The following SIPA1L2 variants were observed in gnomAD, a reference collection of about 807,000 sequenced individuals.
SIPA1L2 encodes signal-induced proliferation-associated 1-like protein 2.
Under a neutral mutation model 163.9 loss-of-function variants are expected in SIPA1L2, and 56 were observed. The ratio of observed to expected loss-of-function variants is 0.34; its 90% CI spans 0.28 to 0.43. The LOEUF is 0.43. SIPA1L2 is among the 20% of genes least tolerant of loss of function. The probability of loss-of-function intolerance (pLI) is 1.00; values close to 1 mark genes in which losing one functional copy is unlikely to be tolerated. For missense variants in SIPA1L2, 1,974 were observed against 2,193.5 expected (o/e 0.90, Z 2.00); for synonymous variants, 877 against 865.7 (o/e 1.01, Z -0.23).
intron 12 of SIPA1L2, 73 bp downstream of exon 12, chr1:232,443,529 A>G: frequency 2.5e-6 from 3 of 1,223,580 alleles, no homozygotes; most frequent in Non-Finnish European, 3.4e-6. Context: ...GAAGGCACAC[A>G]GTAAATGCTT....
intron 1 of SIPA1L2, among the ~76,000 whole-genome samples, chr1:232,592,809 GAA>G (rs541158763): frequency 6.9e-6 from 1 of 145,806 alleles, no homozygotes. Context: ...ATGTTCACAG[GAA>G]AAAAAAAAAA....
rs754332795 is a variant in SIPA1L2 at position 232,465,159 on chromosome 1, C to A, written c.2501G>T (p.Gly834Val). The A allele has an allele frequency of 1.1e-5, 18 of 1,614,064 alleles. No homozygotes were observed. The highest frequency in any genetic ancestry group is 1.4e-5 in the Non-Finnish European group (16 of 1,180,038). Reference sequence around the variant, plus strand: ...CTTTACCTTCTCCTTTTTCTTCGCACCCAGCGTAATGAAGCTGAACTTCAC... The same window carrying A: ...CTTTACCTTCTCCTTTTTCTTCGCAACCAGCGTAATGAAGCTGAACTTCAC... ...TSVKFSFITL[G>V]AKKKEKVKPR... is the part of the protein sequence containing the mutation. Residue 834 changes from glycine to valine, a missense_variant, in exon 9 of 23, where the codon GGT becomes GTT. Gly to Val is a moderately radical substitution (Grantham distance 109). Coordinates refer to ENST00000674635, the MANE Select transcript of SIPA1L2 (RefSeq NM_020808.5). The surrounding 1 kb of genome is among the most constrained non-coding windows in gnomAD (Gnocchi z 4.1).
At chr1:232,511,218 C>G (rs1456629003) in intron 3 of SIPA1L2, among the ~76,000 whole-genome samples, 2 of 152,154 alleles carry the variant, frequency 1.3e-5, no homozygotes, top group East Asian at 3.8e-4. Context: ...TTTGATTCCA[C>G]TGGCTGGAAG....
intron 6 of SIPA1L2, 50 bp downstream of exon 6, chr1:232,483,742 C>T: frequency 4.4e-6 from 7 of 1,602,672 alleles, no homozygotes; most frequent in Non-Finnish European, 6.0e-6. Context: ...ATGAAGCATG[C>T]CTACCTTTGG....
intron 2 of SIPA1L2, among the ~76,000 whole-genome samples, chr1:232,524,045 G>A (rs576871181): frequency 5.3e-5 from 8 of 152,276 alleles, no homozygotes; most frequent in African/African-American, 1.7e-4. Context: ...TCTTTGCACT[G>A]TTCCCATATT....
At chr1:232,475,698 T>A (rs1558207123) in intron 7 of SIPA1L2, among the ~76,000 whole-genome samples, 1 of 152,204 alleles carries the variant, frequency 6.6e-6, no homozygotes, top group African/African-American at 2.4e-5. Context: ...TTCTCACTGA[T>A]TTATCATTTC....
intron 3 of SIPA1L2, among the ~76,000 whole-genome samples, chr1:232,494,006 A>G (rs747972800): frequency 1.3e-5 from 2 of 152,204 alleles, no homozygotes; most frequent in Non-Finnish European, 1.5e-5. Context: ...TACTTGTAGA[A>G]TCAATATTGA....
chr1:232,564,946 G>A (rs1389144601), intron 2 of SIPA1L2, among the ~76,000 whole-genome samples: 4 of 152,112 alleles, frequency 2.6e-5, no homozygotes, highest in Admixed American at 2.6e-4. Flanking sequence ...AATAGCTAAT[G>A]CATGCGGGGC....
intron 7 of SIPA1L2, among the ~76,000 whole-genome samples, chr1:232,476,004 A>G (rs1665027687): frequency 6.6e-6 from 1 of 152,214 alleles, no homozygotes; most frequent in South Asian, 2.1e-4. Context: ...TAAGCATTTT[A>G]TCCTTCCAAA....
chr1:232,462,531 C>T (rs1024587426), intron 9 of SIPA1L2: 3 of 455,020 alleles, frequency 6.6e-6, no homozygotes, highest in Middle Eastern at 6.0e-4. Context: ...TGACAGTTCA[C>T]GACTCAGCAA....
intron 2 of SIPA1L2, among the ~76,000 whole-genome samples, chr1:232,536,353 G>A (rs1171309295): frequency 6.6e-6 from 1 of 152,158 alleles, no homozygotes; most frequent in African/African-American, 2.4e-5. Context: ...ACACCTTTAA[G>A]GAAAACTGGA....
At chr1:232,508,756 T>C (rs1184084240) in intron 3 of SIPA1L2, among the ~76,000 whole-genome samples, 3 of 152,204 alleles carry the variant, frequency 2.0e-5, no homozygotes, top group African/African-American at 2.4e-5. Flanking sequence ...AAGGGACTTA[T>C]TGGGCATTCA....
At chr1:232,606,499 T>C (rs1661928935) in intron 1 of SIPA1L2, among the ~76,000 whole-genome samples, 1 of 152,080 alleles carries the variant, frequency 6.6e-6, no homozygotes, top group Non-Finnish European at 1.5e-5. Context: ...TAACTTAATG[T>C]TTAGTAGCAA....
At chr1:232,449,004 C>T (rs1173642591) in intron 10 of SIPA1L2, among the ~76,000 whole-genome samples, 5 of 151,870 alleles carry the variant, frequency 3.3e-5, no homozygotes, top group Non-Finnish European at 7.4e-5. Flanking sequence ...CTAAACTTGG[C>T]CTCAGAATGC....
intron 7 of SIPA1L2, among the ~76,000 whole-genome samples, chr1:232,475,459 G>C (rs1664999830): frequency 6.6e-6 from 1 of 152,214 alleles, no homozygotes; most frequent in Non-Finnish European, 1.5e-5. Flanking sequence ...CCAGTAGTTA[G>C]AATTATGCCT....
chr1:232,424,322 C>CAAAAA lies in SIPA1L2; in HGVS notation c.4630+1262_4630+1266dup, dbSNP rs55961523. Among the ~76,000 whole-genome samples the CAAAAA allele has an allele frequency of 1.0e-3, 72 of 71,764 alleles. 5 individuals are homozygous for CAAAAA. Among genetic ancestry groups the CAAAAA allele is most frequent in the East Asian group, 1.3e-3 (3 of 2,330 alleles). The allele number at this position is 71,764 out of a possible 152,430, so 47.1% of individuals were successfully genotyped here. ...TCTATTTTTTTTTAAGTGAAGCTAA[C>CAAAAA]AAAAAAAAAAAAAAAAAAAAAAAAA... On this transcript the variant is annotated intron_variant, in intron 18 of 22. Transcript: ENST00000674635.
At chr1:232,498,022 T>C (rs1414908374) in intron 3 of SIPA1L2, among the ~76,000 whole-genome samples, 2 of 152,154 alleles carry the variant, frequency 1.3e-5, no homozygotes, top group Non-Finnish European at 2.9e-5. Flanking sequence ...TTGACATTCT[T>C]CTTACTCATG....
upstream of SIPA1L2, among the ~76,000 whole-genome samples, chr1:232,630,294 G>C (rs1264309863): frequency 6.6e-6 from 1 of 151,880 alleles, no homozygotes; most frequent in Non-Finnish European, 1.5e-5. Flanking sequence ...TCCGGGCGCA[G>C]CCGGTGCGCT....
chr1:232,398,101 T>G lies in SIPA1L2; in HGVS notation c.*1026A>C, dbSNP rs547261177. 1.3e-5 allele frequency: 2 copies of G among 152,760 alleles called. No homozygotes were observed. The highest frequency in any genetic ancestry group is 1.3e-4 in the Admixed American group (2 of 15,300). The allele number at this position is 152,760 out of a possible 1,614,324, so 9.5% of individuals were successfully genotyped here. On this transcript the variant is annotated 3_prime_UTR_variant, in exon 23 of 23. Coordinates refer to ENST00000674635, the MANE Select transcript of SIPA1L2 (RefSeq NM_020808.5). ...ATCCAGTCGTTAGAATCTCTCACCC[T>G]GCTTCTCGGTCTGATCTGTGCAAGC...
Sources: gnomAD v4.1 joint callset for allele counts (sites outside exome capture counted in the v4.1 genomes callset) on GRCh38, gnomAD v4.1.1 for gene constraint, Gnocchi (gnomAD v3.1) non-coding constraint, MANE v1.5 for transcripts, NCBI Gene and HGNC (gene_info 2026-07-23, HGNC 2026-07-21) for gene names.